Variants in PHF3 observed in about 807,000 individuals in gnomAD.
PHF3 encodes PHD finger protein 3.
Under a neutral mutation model 178.4 loss-of-function variants are expected in PHF3, and 41 were observed. The observed-to-expected ratio is 0.23, with a 90% confidence interval of 0.18 to 0.30. The LOEUF is 0.30. PHF3 is among the 10% of genes least tolerant of loss of function. The pLI, the probability that PHF3 is intolerant of heterozygous loss-of-function variation, is 1.00. For missense variants in PHF3, 2,346 were observed against 2,398.1 expected (o/e 0.98, Z 0.45); for synonymous variants, 842 against 800.5 (o/e 1.05, Z -0.88).
Position 63,658,142 on chromosome 6 carries a change from T to C in PHF3, c.244+11347T>C, listed in dbSNP as rs1474639425. On this transcript the variant is annotated intron_variant, in intron 2 of 15. Coordinates refer to ENST00000262043, the MANE Select transcript of PHF3 (RefSeq NM_001370348.2). The stretch of plus-strand genomic sequence containing the variant: ...TATTAAGGCTTTCAGTTAATCCTTA[T>C]GTCTAGCCCAGCTCACTACTTATAC... 2.6e-5 allele frequency among the ~76,000 whole-genome samples: 4 copies of C among 152,236 alleles called. No homozygotes were observed. The East Asian group carries it at 7.7e-4, about 29-fold the overall frequency.
chr6:63,666,380 C>CAT (rs970391625), intron 2 of PHF3, among the ~76,000 whole-genome samples: 1 of 151,634 alleles, frequency 6.6e-6, no homozygotes, highest in East Asian at 1.9e-4. Flanking sequence ...TATATATTTA[C>CAT]ATATATATAT....
intron 8 of PHF3, among the ~76,000 whole-genome samples, chr6:63,700,074 C>T (rs999631704): frequency 6.6e-6 from 1 of 152,094 alleles, no homozygotes; most frequent in Non-Finnish European, 1.5e-5. Context: ...TATTGTGTCC[C>T]TGGGTAGACT....
intron 6 of PHF3, among the ~76,000 whole-genome samples, chr6:63,697,187 G>C (rs1316773986): frequency 6.6e-6 from 1 of 152,178 alleles, no homozygotes; most frequent in East Asian, 1.9e-4. Context: ...GAAAGGTAAA[G>C]CTCATCCATT....
intron 2 of PHF3, among the ~76,000 whole-genome samples, chr6:63,659,571 C>T (rs988531331): frequency 3.9e-5 from 6 of 152,122 alleles, no homozygotes; most frequent in East Asian, 1.9e-4. Context: ...TAAATCTTCA[C>T]GAAAACCTTA....
chr6:63,643,421 G>A (rs554060042), intron 1 of PHF3, among the ~76,000 whole-genome samples: 3 of 152,110 alleles, frequency 2.0e-5, no homozygotes, highest in East Asian at 1.9e-4. Context: ...TTGGAACCAC[G>A]TAAGAAAAAT....
chr6:63,698,604 A>G lies in PHF3; in HGVS notation c.2981A>G (p.Asn994Ser), dbSNP rs187803576. ...TTTAATTTGAAAGATCCTAAAAACA[A>G]TGTAAGTATGCTTTGTTCATATGTT... ...LMFNLKDPKNNILFKKVLKGE... is the reference protein window; with the variant it reads ...LMFNLKDPKNSILFKKVLKGE... The change falls in exon 8 of 16, where the codon AAT becomes AGT. Residue 994 changes from asparagine (N) to serine (S), a missense_variant and splice_region_variant. Asn to Ser is a conservative substitution (Grantham distance 46). Coordinates refer to ENST00000262043, the MANE Select transcript of PHF3 (RefSeq NM_001370348.2). 1.4e-5 allele frequency: 22 copies of G among 1,561,300 alleles called. No individual in the cohort carries two copies. In the East Asian group the frequency reaches 2.0e-4, roughly 14 times the overall value.
At position 63,684,642 on chromosome 6, in the gene PHF3, C is replaced by T. The variant is rs763981549; in HGVS notation, c.920C>T (p.Thr307Ile). The change falls in exon 4 of 16, where the codon ACT becomes ATT. Residue 307 changes from threonine (T) to isoleucine (I), a missense_variant. Thr to Ile is a moderately conservative substitution (Grantham distance 89). Coordinates refer to ENST00000262043, the MANE Select transcript of PHF3 (RefSeq NM_001370348.2). ...NDSISGKTGE[T>I]VVEEMIATRK... ...TCCATTTCAGGTAAAACGGGTGAGA[C>T]TGTTGTTGAAGAAATGATAGCAACA... 6.2e-7 allele frequency: 1 copy of T among 1,613,822 alleles called. No individual in the cohort carries two copies. The highest frequency in any genetic ancestry group is 1.1e-5 in the South Asian group (1 of 91,062).
chr6:63,713,723 T>C lies in PHF3; in HGVS notation c.*15T>C. On this transcript the variant is annotated 3_prime_UTR_variant, in exon 16 of 16. Coordinates refer to ENST00000262043, the MANE Select transcript of PHF3 (RefSeq NM_001370348.2). ...GCAAAAGGTAAAATTTGCAGGCTGC[T>C]TCAGGATTACATTTAAATAACTGTT... is the stretch of plus-strand genomic sequence containing the variant. 6.5e-7 allele frequency: 1 copy of C among 1,527,898 alleles called. No individual in the cohort carries two copies. The highest frequency in any genetic ancestry group is 8.8e-7 in the Non-Finnish European group (1 of 1,141,858). The allele number at this position is 1,527,898 out of a possible 1,614,324, so 94.6% of individuals were successfully genotyped here. A position where few individuals can be genotyped will look rare whatever the true frequency, so the allele number is the denominator to read the frequency against.
At chr6:63,661,964 C>A (rs1399719540) in intron 2 of PHF3, among the ~76,000 whole-genome samples, 2 of 152,114 alleles carry the variant, frequency 1.3e-5, no homozygotes, top group Non-Finnish European at 2.9e-5. Flanking sequence ...CCCAGCTGCA[C>A]AGCAACAGGT....
chr6:63,672,623 A>G (rs909438743), intron 2 of PHF3, among the ~76,000 whole-genome samples: 2 of 152,214 alleles, frequency 1.3e-5, no homozygotes, highest in East Asian at 1.9e-4. Context: ...TTCCACAGGT[A>G]TGGTTTGTGG....
intron 11 of PHF3, 127 bp from the exon 12 acceptor site, chr6:63,705,902 C>A: frequency 1.5e-6 from 1 of 674,802 alleles, no homozygotes; most frequent in Non-Finnish European, 2.4e-6. Flanking sequence ...TTAGATATAA[C>A]CCCAGGAAAT....
At position 63,723,962 on chromosome 6, in the gene PHF3, C is replaced by T. The variant is rs184597556; in HGVS notation, c.*10254C>T. On this transcript the variant is annotated 3_prime_UTR_variant, in exon 16 of 16. Transcript: ENST00000262043. Reference sequence around the variant, plus strand: ...ATCTGGGACTACAGGCACTGGCCATCACGGCCGGCTAATTTTTGTATTTTG... The same window carrying T: ...ATCTGGGACTACAGGCACTGGCCATTACGGCCGGCTAATTTTTGTATTTTG... Among the ~76,000 whole-genome samples the T allele has an allele frequency of 6.6e-6, 1 of 152,032 alleles. No individual in the cohort carries two copies. The highest frequency in any genetic ancestry group is 6.6e-5 in the Admixed American group (1 of 15,260).
At chr6:63,661,248 C>T (rs6922047) in intron 2 of PHF3, among the ~76,000 whole-genome samples, 5,658 of 152,064 alleles carry the variant, frequency 0.037, 182 homozygotes, top group South Asian at 0.11. Flanking sequence ...TTATTCATAC[C>T]GGCACTAGAA....
intron 11 of PHF3, among the ~76,000 whole-genome samples, chr6:63,705,638 G>T (rs1207877731): frequency 6.6e-6 from 1 of 152,190 alleles, no homozygotes; most frequent in Middle Eastern, 3.2e-3. Flanking sequence ...TTGGTTGCTG[G>T]TGATAAAAAG....
intron 4 of PHF3, 69 bp downstream of exon 4, chr6:63,685,980 A>T: frequency 9.5e-7 from 1 of 1,053,458 alleles, no homozygotes; most frequent in Non-Finnish European, 1.4e-6. Flanking sequence ...GGTGGGATTA[A>T]TGTGAGAATT....
At chr6:63,643,034 G>T (rs535631991) in intron 1 of PHF3, among the ~76,000 whole-genome samples, 15 of 152,066 alleles carry the variant, frequency 9.9e-5, no homozygotes, top group Admixed American at 7.2e-4. Context: ...TAAAGCTAGT[G>T]CCTTTATCAG....
At chr6:63,690,132 A>G (rs1006919288) in intron 4 of PHF3, among the ~76,000 whole-genome samples, 2 of 152,144 alleles carry the variant, frequency 1.3e-5, no homozygotes, top group African/African-American at 2.4e-5. Flanking sequence ...CTGTATCATT[A>G]TGGGCCCATC....
At chr6:63,691,135 G>C (rs1016163356) in intron 4 of PHF3, among the ~76,000 whole-genome samples, 1 of 152,168 alleles carries the variant, frequency 6.6e-6, no homozygotes, top group Non-Finnish European at 1.5e-5. Context: ...CTGAATCAGC[G>C]TGACACCATG....
rs1208495973 is a variant in PHF3, at chr6:63,685,591, C to G, written c.1869C>G (p.Ser623Arg). ...AAACTGGACATGTATCACATTCTAG[C>G]CAGAAACAGTGTCATAAGCCTCAGC... The part of the protein sequence containing the change: ...PAQTGHVSHS[S>R]QKQCHKPQQQ... The change falls in exon 4 of 16, where the codon AGC (serine) becomes AGG (arginine). Residue 623 changes from serine to arginine, a missense_variant. Ser to Arg is a moderately radical substitution (Grantham distance 110, BLOSUM62 -1). Coordinates refer to ENST00000262043, the MANE Select transcript of PHF3 (RefSeq NM_001370348.2). The G allele has an allele frequency of 5.6e-6, 9 of 1,614,026 alleles. No homozygotes were observed. The highest frequency in any genetic ancestry group is 5.9e-6 in the Non-Finnish European group (7 of 1,179,988).
Sources: allele counts gnomAD v4.1 joint callset (sites outside exome capture counted in the v4.1 genomes callset), GRCh38; gene constraint gnomAD v4.1.1; transcripts MANE v1.5; gene names NCBI Gene and HGNC (gene_info 2026-07-23, HGNC 2026-07-21).